Variants in PRAMEF10 observed in about 807,000 individuals in gnomAD.
PRAMEF10 encodes PRAME family member 10.
In PRAMEF10, 4 loss-of-function variants were observed where a neutral mutation model predicts 27.7. The observed-to-expected ratio is 0.14, with a 90% CI of 0.07 to 0.33. The LOEUF (loss-of-function observed/expected upper bound fraction) is 0.33. Among genes scored for constraint, PRAMEF10 ranks in the 10% least tolerant of loss-of-function variants. The pLI, the probability that PRAMEF10 is intolerant of heterozygous loss-of-function variation, is 1.00. For synonymous variants in PRAMEF10, 46 were observed against 176.0 expected, an observed-to-expected ratio of 0.26 and a Z score of 5.85; for missense variants, 99 against 453.9, an observed-to-expected ratio of 0.22 and a Z score of 7.10.
Position 12,893,302 on chromosome 1 carries a change from C to G in PRAMEF10, c.1039G>C (p.Val347Leu). Residue 347 changes from valine to leucine, a missense_variant, in exon 4 of 4, where the codon GTT becomes CTT. Physicochemically the swap from Val to Leu is conservative, Grantham distance 32 (BLOSUM62 1). Coordinates refer to ENST00000235347, the MANE Select transcript of PRAMEF10 (RefSeq NM_001039361.4). Reference protein sequence around the residue: ...LEPLGVLLEKVAATLKTLVLK... With the variant: ...LEPLGVLLEKLAATLKTLVLK... ...ACGAGGGTCTTGAGAGTAGCAGCAACTTTCTCCAGCAGAACTCCAAGGGGC... is the reference window on the plus strand; with the variant it reads ...ACGAGGGTCTTGAGAGTAGCAGCAAGTTTCTCCAGCAGAACTCCAAGGGGC... The G allele has an allele frequency of 6.2e-7, 1 of 1,611,830 alleles. No individual in the cohort carries two copies. Among genetic ancestry groups the G allele is most frequent in the South Asian group, 1.1e-5 (1 of 90,974 alleles).
Position 12,893,110 on chromosome 1 carries a change from A to C in PRAMEF10, c.1231T>G (p.Leu411Val), listed in dbSNP as rs767262406. 1 of 1,592,744 alleles carries C rather than the reference A, an allele frequency of 6.3e-7. No individual in the cohort carries two copies. ...AGACTCTCCAGAGGGGCAGGATACA[A>C]CTCCAGGCCTAACTTGCTCAGCCCA... ...TRGLSKLGLE[L>V]YPAPLESLDY... Residue 411 changes from leucine (L) to valine (V), a missense_variant, in exon 4 of 4, where the codon TTG becomes GTG. By Grantham distance (32) the Leu-to-Val change is conservative. Transcript: ENST00000235347.
intron 3 of PRAMEF10, among the ~76,000 whole-genome samples, chr1:12,894,188 C>T (rs1038245400): frequency 6.7e-6 from 1 of 148,746 alleles, no homozygotes; most frequent in African/African-American, 2.5e-5. Context: ...GCTGGGATTA[C>T]AGGCATGAGA....
At position 12,893,245 on chromosome 1, in the gene PRAMEF10, G is replaced by C. The variant is rs1217872419; in HGVS notation, c.1096C>G (p.Leu366Val). The C allele has an allele frequency of 6.2e-7, 1 of 1,609,368 alleles. No individual in the cohort carries two copies. The highest frequency in any genetic ancestry group is 1.3e-5 in the African/African-American group (1 of 74,516). Residue 366 changes from leucine to valine, a missense_variant, in exon 4 of 4, where the codon CTC becomes GTC. Leu to Val is a conservative substitution (Grantham distance 32). Coordinates refer to ENST00000235347, the MANE Select transcript of PRAMEF10 (RefSeq NM_001039361.4). ...CTCAGGGCAGGCAGGAGGACCCTGA[G>C]TTGGGGGTCCTGGATCCGACAGTCC... ...LKDCRIQDPQLRVLLPALSHC... is the reference protein window; with the variant it reads ...LKDCRIQDPQVRVLLPALSHC...
Position 12,892,901 on chromosome 1 carries a change from C to G in PRAMEF10, c.*15G>C, listed in dbSNP as rs377637602. 6.3e-7 allele frequency: 1 copy of G among 1,595,438 alleles called. No homozygotes were observed. The highest frequency in any genetic ancestry group is 1.4e-5 in the African/African-American group (1 of 73,202). On this transcript the variant is annotated 3_prime_UTR_variant, in exon 4 of 4. Transcript: ENST00000235347. ...TCCAGAAGAAAGCTTATCCATCCCA[C>G]GAACCAGGCCTTCCCTAGGAGCAAA...
At chr1:12,894,130 G>A (rs1417365422) in intron 3 of PRAMEF10, among the ~76,000 whole-genome samples, 2 of 150,726 alleles carry the variant, frequency 1.3e-5, no homozygotes, top group East Asian at 2.0e-4. Context: ...GGCCAGACTG[G>A]TCTCAAATTC....
At position 12,895,093 on chromosome 1, in the gene PRAMEF10, C is replaced by T. The variant is rs201268878; in HGVS notation, c.359G>A (p.Arg120Lys). The T allele has an allele frequency of 5.5e-4, 822 of 1,487,976 alleles. 2 individuals carry two copies. In the South Asian group the frequency reaches 7.1e-3, roughly 13 times the overall value. 92.2% of individuals were successfully genotyped at this position (1,487,976 alleles called of 1,614,324 possible). ...GGCCTCTGGGGAGCAGGAGAGGACC[C>T]TGGCTCCAGACCATATGGTCCAGAA... ...ENFWTIWSGARVLSCSPEAMS... is the reference protein window; with the variant it reads ...ENFWTIWSGAKVLSCSPEAMS... Residue 120 changes from arginine to lysine, a missense_variant, in exon 3 of 4, where the codon AGG (arginine) becomes AAG (lysine). By Grantham distance (26) the Arg-to-Lys change is conservative. Transcript: ENST00000235347.
At chr1:12,894,083 T>G (rs1368252794) in intron 3 of PRAMEF10, among the ~76,000 whole-genome samples, 6 of 150,842 alleles carry the variant, frequency 4.0e-5, no homozygotes, top group Non-Finnish European at 8.9e-5. Context: ...TGACATTTTT[T>G]TTTGTATTTT....
At position 12,895,161 on chromosome 1, in the gene PRAMEF10, C is replaced by T; in HGVS notation, c.291G>A (p.Arg97=). 7.0e-7 allele frequency: 1 copy of T among 1,433,024 alleles called. No homozygotes were observed. The highest frequency in any genetic ancestry group is 9.5e-7 in the Non-Finnish European group (1 of 1,049,612). 88.8% of individuals were successfully genotyped at this position (1,433,024 alleles called of 1,614,324 possible). ...TCAAATCCAGCACTTGAAGTTTCCA[C>T]CTCCTATGAGTAACATAGGGGAAAA... ...TLVAQKVRPR[R]WKLQVLDLRD... is the part of the protein sequence containing the mutation. Residue 97 remains arginine, a synonymous_variant, in exon 3 of 4, where the codon AGG becomes AGA. Transcript: ENST00000235347.
intron 3 of PRAMEF10, among the ~76,000 whole-genome samples, 182 bp from the exon 4 acceptor site, chr1:12,893,656 T>C (rs3103686): frequency 1.3e-3 from 121 of 94,864 alleles, no homozygotes; most frequent in African/African-American, 3.8e-3. Flanking sequence ...GTTCCCATCA[T>C]CAGATGATGG....
Position 12,893,236 on chromosome 1 carries a change from G to A in PRAMEF10, c.1105C>T (p.Leu369Phe). 1 of 1,604,956 alleles carries A rather than the reference G, an allele frequency of 6.2e-7. No homozygotes were observed. ...CRIQDPQLRVLLPALSHCSQL... is the reference protein window; with the variant it reads ...CRIQDPQLRVFLPALSHCSQL... The stretch of plus-strand genomic sequence containing the variant: ...GAACAGTGGCTCAGGGCAGGCAGGA[G>A]GACCCTGAGTTGGGGGTCCTGGATC... The change falls in exon 4 of 4, where the codon CTC becomes TTC. Residue 369 changes from leucine to phenylalanine, a missense_variant. Leu to Phe is a conservative substitution (Grantham distance 22). Transcript: ENST00000235347.
Position 12,894,059 on chromosome 1 carries a change from G to A in PRAMEF10, c.866+527C>T, listed in dbSNP as rs1641171543. Among the ~76,000 whole-genome samples the A allele has an allele frequency of 2.0e-5, 3 of 150,004 alleles. No homozygotes were observed. In the Admixed American group the frequency reaches 2.0e-4, roughly 10 times the overall value. Reference sequence around the variant, plus strand: ...CAAGCAGCTGGGATTACAGGTGCCTGTCTGCATGCCCGGTGACATTTTTTT... The same window carrying A: ...CAAGCAGCTGGGATTACAGGTGCCTATCTGCATGCCCGGTGACATTTTTTT... On this transcript the variant is annotated intron_variant, in intron 3 of 3. Transcript: ENST00000235347.
chr1:12,898,097 T>TGA (rs1243621621), intron 1 of PRAMEF10, 119 bp downstream of exon 1: 1 of 145,910 alleles, frequency 6.9e-6, no homozygotes, highest in Non-Finnish European at 1.5e-5. Flanking sequence ...ATTGTTCATA[T>TGA]GAGAAAAAAA....
Position 12,892,898 on chromosome 1 carries a change from C to T in PRAMEF10, c.*18G>A, listed in dbSNP as rs766288497. 2 of 1,594,992 alleles carry T rather than the reference C, an allele frequency of 1.3e-6. No individual in the cohort carries two copies. Among genetic ancestry groups the T allele is most frequent in the East Asian group, 4.5e-5 (2 of 44,636 alleles). The stretch of plus-strand genomic sequence containing the variant: ...GTGTCCAGAAGAAAGCTTATCCATC[C>T]CACGAACCAGGCCTTCCCTAGGAGC... On this transcript the variant is annotated 3_prime_UTR_variant, in exon 4 of 4. Transcript: ENST00000235347.
At chr1:12,894,050 C>T (rs1185166781) in intron 3 of PRAMEF10, among the ~76,000 whole-genome samples, 1 of 149,666 alleles carries the variant, frequency 6.7e-6, no homozygotes, top group Non-Finnish European at 1.5e-5. Context: ...GCTGGGATTA[C>T]AGGTGCCTGT....
chr1:12,893,294 A>G lies in PRAMEF10; in HGVS notation c.1047T>C (p.Ala349=). The G allele has an allele frequency of 6.2e-7, 1 of 1,611,782 alleles. No homozygotes were observed. The highest frequency in any genetic ancestry group is 2.2e-5 in the East Asian group (1 of 44,888). The part of the protein sequence containing the change: ...PLGVLLEKVA[A]TLKTLVLKDC... ...CCTTTAAGACGAGGGTCTTGAGAGT[A>G]GCAGCAACTTTCTCCAGCAGAACTC... The change falls in exon 4 of 4, where the codon GCT becomes GCC. Residue 349 remains alanine, a synonymous_variant. Coordinates refer to ENST00000235347, the MANE Select transcript of PRAMEF10 (RefSeq NM_001039361.4).
In PRAMEF10 at chr1:12,892,900, A is replaced by G; in HGVS notation, c.*16T>C. 1 of 1,595,748 alleles carries G rather than the reference A, an allele frequency of 6.3e-7. No homozygotes were observed. The highest frequency in any genetic ancestry group is 8.6e-7 in the Non-Finnish European group (1 of 1,169,332). On this transcript the variant is annotated 3_prime_UTR_variant, in exon 4 of 4. Coordinates refer to ENST00000235347, the MANE Select transcript of PRAMEF10 (RefSeq NM_001039361.4). ...GTCCAGAAGAAAGCTTATCCATCCCACGAACCAGGCCTTCCCTAGGAGCAA... is the reference window on the plus strand; with the variant it reads ...GTCCAGAAGAAAGCTTATCCATCCCGCGAACCAGGCCTTCCCTAGGAGCAA...
chr1:12,897,859 C>A (rs1641233938), intron 1 of PRAMEF10, among the ~76,000 whole-genome samples: 1 of 147,730 alleles, frequency 6.8e-6, no homozygotes, highest in South Asian at 2.2e-4. Flanking sequence ...TCCATCCCCC[C>A]TTCAATAAAG....
chr1:12,896,407 A>G (rs1226852308), intron 1 of PRAMEF10, among the ~76,000 whole-genome samples: 1 of 150,652 alleles, frequency 6.6e-6, no homozygotes, highest in African/African-American at 2.5e-5. Flanking sequence ...TTTCCAATAC[A>G]CACCTCTTAC....
At chr1:12,897,126 T>TCA (rs1488797738) in intron 1 of PRAMEF10, among the ~76,000 whole-genome samples, 2 of 61,162 alleles carry the variant, frequency 3.3e-5, no homozygotes, top group Admixed American at 2.2e-4. Context: ...AATCCAATGA[T>TCA]CACCTGGGTG....
Sources: gnomAD v4.1 joint callset for allele counts (sites outside exome capture counted in the v4.1 genomes callset) on GRCh38, gnomAD v4.1.1 for gene constraint, MANE v1.5 for transcripts, NCBI Gene and HGNC (gene_info 2026-07-23, HGNC 2026-07-21) for gene names.